Variants in TENM2 observed in about 807,000 individuals in gnomAD.
The protein encoded by TENM2 is teneurin transmembrane protein 2, also known as teneurin-2.
TENM2 carries 52 observed loss-of-function variants against 245.2 expected under a neutral mutation model. The ratio of observed to expected loss-of-function variants is 0.21; its 90% CI spans 0.17 to 0.27. TENM2 has a LOEUF of 0.27. Ranked by LOEUF, TENM2 falls within the 10% of genes least tolerant of loss-of-function variation. TENM2 has a pLI of 1.00. For synonymous variants in TENM2, 1,363 were observed against 1,438.9 expected (o/e 0.95, Z 1.19); for missense variants, 3,046 against 3,666.8 (o/e 0.83, Z 4.37).
intron 12 of TENM2, among the ~76,000 whole-genome samples, chr5:168,128,347 C>T (rs1401651699): frequency 6.6e-6 from 1 of 152,210 alleles, no homozygotes; most frequent in Admixed American, 6.5e-5. Context: ...CAATAGCTTC[C>T]ATTCATCAGG....
At chr5:167,331,692 A>C (rs1254580622) in intron 1 of TENM2, among the ~76,000 whole-genome samples, 1 of 152,236 alleles carries the variant, frequency 6.6e-6, no homozygotes, top group Non-Finnish European at 1.5e-5. Context: ...CAAGAGATGC[A>C]CCATTGAAAT....
At chr5:168,179,152 AAAAAG>A (rs1312659952) in intron 13 of TENM2, among the ~76,000 whole-genome samples, 149 of 149,438 alleles carry the variant, frequency 1.0e-3, no homozygotes, top group African/African-American at 3.4e-3. Context: ...AAAAAAAAAA[AAAAAG>A]AAGCTTTGAG....
chr5:167,449,958 CAAAGAAA>C (rs1475265882), intron 2 of TENM2, among the ~76,000 whole-genome samples: 2 of 151,444 alleles, frequency 1.3e-5, no homozygotes, highest in Non-Finnish European at 2.9e-5. Flanking sequence ...AACTCTGACT[CAAAGAAA>C]AAAGAAAAAA....
intron 4 of TENM2, among the ~76,000 whole-genome samples, chr5:167,978,895 C>A (rs547605769): frequency 2.3e-4 from 35 of 152,186 alleles, no homozygotes; most frequent in Admixed American, 9.8e-4. Flanking sequence ...AAGGGAGAGA[C>A]AACAAGATAG....
chr5:167,990,234 G>T (rs1339407823), intron 4 of TENM2, among the ~76,000 whole-genome samples: 1 of 152,148 alleles, frequency 6.6e-6, no homozygotes, highest in Non-Finnish European at 1.5e-5. Context: ...TAAGGCAGCA[G>T]ACTATTATTT....
At chr5:167,623,858 T>A (rs1486129114) in intron 2 of TENM2, among the ~76,000 whole-genome samples, 1 of 152,156 alleles carries the variant, frequency 6.6e-6, no homozygotes, top group Non-Finnish European at 1.5e-5. Flanking sequence ...TTAGGTGTTT[T>A]TCCATGGTAA....
the TENM2 span, among the ~76,000 whole-genome samples, chr5:166,997,898 TAAAC>T: frequency 1.3e-5 from 2 of 151,856 alleles, no homozygotes. Flanking sequence ...AAAACATAAA[TAAAC>T]AACAGATAAA....
intron 2 of TENM2, among the ~76,000 whole-genome samples, chr5:167,725,676 T>C (rs562794584): frequency 6.6e-6 from 1 of 152,294 alleles, no homozygotes; most frequent in South Asian, 2.1e-4. Flanking sequence ...AAAATATTTG[T>C]ATGGCTCGCC....
the TENM2 span, among the ~76,000 whole-genome samples, chr5:167,082,524 T>G: frequency 6.6e-6 from 1 of 152,104 alleles, no homozygotes; most frequent in Non-Finnish European, 1.5e-5. Flanking sequence ...TGACCTCAGG[T>G]GATCTGCCCA....
intron 2 of TENM2, among the ~76,000 whole-genome samples, chr5:167,581,217 G>A (rs751196669): frequency 5.3e-5 from 8 of 152,104 alleles, no homozygotes; most frequent in Non-Finnish European, 1.2e-4. Flanking sequence ...AGCTGTTTCT[G>A]TTTCTAAATG....
At chr5:167,858,219 G>A (rs1321802755) in intron 2 of TENM2, among the ~76,000 whole-genome samples, 1 of 152,232 alleles carries the variant, frequency 6.6e-6, no homozygotes, top group Non-Finnish European at 1.5e-5. Flanking sequence ...AAGAAAATGT[G>A]AGCTAAGAGC....
chr5:168,235,299 C>A (rs1010786465), intron 25 of TENM2, among the ~76,000 whole-genome samples: 29 of 152,308 alleles, frequency 1.9e-4, no homozygotes, highest in Non-Finnish European at 2.8e-4. Context: ...CTTGTGCAGG[C>A]AGAACTTGGG....
At chr5:167,021,712 T>G in the TENM2 span, among the ~76,000 whole-genome samples, 1 of 152,322 alleles carries the variant, frequency 6.6e-6, no homozygotes, top group East Asian at 1.9e-4. Flanking sequence ...CTGCTTATCT[T>G]TCAGTCTCCT....
At chr5:168,186,061 A>G (rs1362091066) in intron 13 of TENM2, 8 of 150,876 alleles carry the variant, frequency 5.3e-5, no homozygotes, top group African/African-American at 1.5e-4. Context: ...ATGTACAATT[A>G]TAACTCAGTT....
At chr5:167,649,076 G>T (rs1276023712) in intron 2 of TENM2, among the ~76,000 whole-genome samples, 1 of 152,184 alleles carries the variant, frequency 6.6e-6, no homozygotes, top group Non-Finnish European at 1.5e-5. Flanking sequence ...ACACCACAAA[G>T]AGTATGTAGC....
At chr5:167,265,710 C>G in the TENM2 span, among the ~76,000 whole-genome samples, 1 of 152,148 alleles carries the variant, frequency 6.6e-6, no homozygotes, top group Non-Finnish European at 1.5e-5. Context: ...ATGCTGCAAA[C>G]TGGCTTCTCC....
intron 2 of TENM2, among the ~76,000 whole-genome samples, chr5:167,816,168 G>A (rs1248820874): frequency 6.6e-6 from 1 of 152,122 alleles, no homozygotes; most frequent in Non-Finnish European, 1.5e-5. Flanking sequence ...ATCCCAAGAA[G>A]TATGCAGAAG....
chr5:167,329,864 G>GT (rs201814004), intron 1 of TENM2, among the ~76,000 whole-genome samples: 2,539 of 152,194 alleles, frequency 0.017, 43 homozygotes, highest in Non-Finnish European at 0.026. Flanking sequence ...AATTTCTTTA[G>GT]TTTTTCATAT....
chr5:167,097,283 G>T, the TENM2 span, among the ~76,000 whole-genome samples: 1 of 152,182 alleles, frequency 6.6e-6, no homozygotes, highest in African/African-American at 2.4e-5. Context: ...ACAAAGAACT[G>T]CACAGAAACC....
Sources: allele counts gnomAD v4.1 joint callset (sites outside exome capture counted in the v4.1 genomes callset), GRCh38; gene constraint gnomAD v4.1.1; transcripts MANE v1.5; gene names NCBI Gene and HGNC (gene_info 2026-07-23, HGNC 2026-07-21).